The following UNC80 variants were observed in gnomAD, a reference collection of about 807,000 sequenced individuals.
The protein encoded by UNC80 is protein unc-80 homolog.
Under a neutral mutation model 384.6 loss-of-function variants are expected in UNC80, and 164 were observed. The ratio of observed to expected loss-of-function variants is 0.43; its 90% CI spans 0.38 to 0.49. UNC80 has a LOEUF of 0.49. Ranked by LOEUF, UNC80 falls within the 20% of genes least tolerant of loss-of-function variation. The probability of loss-of-function intolerance (pLI) is 0.00; values close to 1 mark genes in which losing one functional copy is unlikely to be tolerated. For synonymous variants in UNC80, 1,486 were observed against 1,527.8 expected (o/e 0.97, Z 0.64); for missense variants, 3,330 against 4,143.0 (o/e 0.80, Z 5.39).
chr2:209,793,742 C>T lies in UNC80; in HGVS notation c.821C>T (p.Thr274Ile). 1 of 1,613,894 alleles carries T rather than the reference C, an allele frequency of 6.2e-7. No homozygotes were observed. ...HLEGLQVVCETFQSDSISPKA... is the reference protein window; with the variant it reads ...HLEGLQVVCEIFQSDSISPKA... Reference sequence around the variant, plus strand: ...AAGGGACTCCAGGTGGTTTGTGAAACATTCCAGTCTGATTCCATCTCACCC... The same window carrying T: ...AAGGGACTCCAGGTGGTTTGTGAAATATTCCAGTCTGATTCCATCTCACCC... The change falls in exon 7 of 65, where the codon ACA becomes ATA. Residue 274 changes from threonine (T) to isoleucine (I), a missense_variant. By Grantham distance (89) the Thr-to-Ile change is moderately conservative. This residue lies in a region of UNC80 where 937 missense variants were observed against 1,026.8 expected (regional missense o/e 0.91). Transcript: ENST00000673920.
At chr2:209,923,058 T>A (rs150156344) in intron 35 of UNC80, among the ~76,000 whole-genome samples, 1 of 152,226 alleles carries the variant, frequency 6.6e-6, no homozygotes, top group Non-Finnish European at 1.5e-5. Context: ...TTATCAGATA[T>A]ATGATTTGCA....
chr2:209,824,059 T>C (rs1353524534), intron 13 of UNC80, among the ~76,000 whole-genome samples: 1 of 152,156 alleles, frequency 6.6e-6, no homozygotes, highest in Non-Finnish European at 1.5e-5. Context: ...ATAAGGCCTA[T>C]GTGAAGCATA....
At chr2:209,948,621 A>G (rs75663129) in intron 47 of UNC80, among the ~76,000 whole-genome samples, 1 of 152,050 alleles carries the variant, frequency 6.6e-6, no homozygotes, top group African/African-American at 2.4e-5. Flanking sequence ...TATCCTTTCA[A>G]ATTCTTGTAC....
At chr2:209,960,394 C>T (rs79337131) in intron 51 of UNC80, among the ~76,000 whole-genome samples, 4,699 of 152,210 alleles carry the variant, frequency 0.031, 147 homozygotes, top group South Asian at 0.14. Flanking sequence ...TGCTAAAGGC[C>T]GTATTTGTGT....
At position 209,852,766 on chromosome 2, in the gene UNC80, G is replaced by A. The variant is rs1192538568; in HGVS notation, c.3627+3143G>A. 5.9e-5 allele frequency among the ~76,000 whole-genome samples: 9 copies of A among 152,062 alleles called. 1 individual carries two copies. In the South Asian group the frequency reaches 1.7e-3, roughly 28 times the overall value. On this transcript the variant is annotated intron_variant, in intron 22 of 64. Transcript: ENST00000673920. ...CAGGGTTATGCTAACTTTCACTGAT[G>A]TTTTCTGCTAAAGGTATTTTTAGCT... is the stretch of plus-strand genomic sequence containing the variant.
At chr2:209,910,649 C>CTTT (rs540625562) in intron 29 of UNC80, among the ~76,000 whole-genome samples, 38 of 104,290 alleles carry the variant, frequency 3.6e-4, no homozygotes, top group South Asian at 6.9e-4. Context: ...AAATGCTCAT[C>CTTT]TTTTTTTTTT....
intron 30 of UNC80, among the ~76,000 whole-genome samples, 174 bp from the exon 31 acceptor site, chr2:209,913,628 G>T (rs1322511365): frequency 1.3e-5 from 2 of 151,968 alleles, no homozygotes; most frequent in Non-Finnish European, 2.9e-5. Context: ...TCAGTTATAA[G>T]GTATAAAGCT....
At position 209,978,596 on chromosome 2, in the gene UNC80, C is replaced by G. The variant is rs1459459006; in HGVS notation, c.9006C>G (p.Ala3002=). The G allele has an allele frequency of 6.4e-7, 1 of 1,551,460 alleles. No homozygotes were observed. The highest frequency in any genetic ancestry group is 2.0e-5 in the Admixed American group (1 of 51,006). Residue 3002 remains alanine, a synonymous_variant, in exon 59 of 65, where the codon GCC becomes GCG. Coordinates refer to ENST00000673920, the MANE Select transcript of UNC80 (RefSeq NM_001371986.1). ...TSTSAYRLSL[A]TMSRSNTGTG... ...CCTCTGCTTACCGCCTGAGCTTGGC[C>G]ACCATGTCCCGCTCTAACACGGGCA...
At chr2:209,979,507 C>T (rs943285952) in intron 59 of UNC80, among the ~76,000 whole-genome samples, 1 of 152,142 alleles carries the variant, frequency 6.6e-6, no homozygotes, top group Non-Finnish European at 1.5e-5. Context: ...AGCAGGCTGT[C>T]TTGAGGGAAA....
chr2:209,840,270 A>G (rs1442828226), intron 19 of UNC80, among the ~76,000 whole-genome samples: 1 of 152,142 alleles, frequency 6.6e-6, no homozygotes, highest in Non-Finnish European at 1.5e-5. Flanking sequence ...TAAGAGGTAA[A>G]ATTCACAGGC....
In UNC80 at chr2:209,976,250, G is replaced by T; in HGVS notation, c.8719G>T (p.Val2907Leu). The change falls in exon 57 of 65, where the codon GTG becomes TTG. Residue 2907 changes from valine to leucine, a missense_variant. Around this residue, in one of 8 missense-constraint regions of UNC80, gnomAD observed 1,049 missense variants for 1,488.6 expected, o/e 0.70. Transcript: ENST00000673920. The surrounding 1 kb of genome is among the most constrained non-coding windows in gnomAD (Gnocchi z 4.3). ...LALWDFLDFI[V>L]RTRIPIFVLL... Reference sequence around the variant, plus strand: ...CCTTTGGGATTTCCTCGACTTCATCGTGCGGACCCGAATACCCATCTTTGT... The same window carrying T: ...CCTTTGGGATTTCCTCGACTTCATCTTGCGGACCCGAATACCCATCTTTGT... 6.4e-7 allele frequency: 1 copy of T among 1,551,704 alleles called. No homozygotes were observed. Among genetic ancestry groups the T allele is most frequent in the Non-Finnish European group, 8.7e-7 (1 of 1,147,004 alleles).
intron 59 of UNC80, among the ~76,000 whole-genome samples, chr2:209,981,313 C>T (rs1009276134): frequency 6.6e-6 from 1 of 152,238 alleles, no homozygotes; most frequent in Admixed American, 6.5e-5. Flanking sequence ...CACGGTGGCT[C>T]ATGCCTGTAA....
In UNC80 at chr2:209,917,912, A is replaced by G. The variant is rs1270311643; in HGVS notation, c.5165A>G (p.Tyr1722Cys). The change falls in exon 32 of 65, where the codon TAT (tyrosine) becomes TGT (cysteine). Residue 1722 changes from tyrosine to cysteine, a missense_variant. Around this residue, in one of 8 missense-constraint regions of UNC80, gnomAD observed 801 missense variants for 950.8 expected, o/e 0.84. Coordinates refer to ENST00000673920, the MANE Select transcript of UNC80 (RefSeq NM_001371986.1). ...TTCCACACGCTCTGGAGGTTTCGCT[A>G]TCAGGTCTGGCCCCGGATGGAGGAA... ...LKFHTLWRFR[Y>C]QVWPRMEEGA... 3.9e-6 allele frequency: 6 copies of G among 1,551,728 alleles called. No individual in the cohort carries two copies. The highest frequency in any genetic ancestry group is 5.2e-6 in the Non-Finnish European group (6 of 1,146,988).
In UNC80 at chr2:209,897,070, A is replaced by G. The variant is rs1052690536; in HGVS notation, c.4581+657A>G. 6.6e-5 allele frequency among the ~76,000 whole-genome samples: 10 copies of G among 152,256 alleles called. No individual in the cohort carries two copies. In the East Asian group the frequency reaches 1.7e-3, roughly 26 times the overall value. On this transcript the variant is annotated intron_variant, in intron 28 of 64. Transcript: ENST00000673920. ...TTCCTGGAAAAGTCAGATGAGCACT[A>G]GCTGGTGCATAATGGTCCTCGGATA...
At chr2:209,800,716 A>G (rs565202426) in intron 7 of UNC80, among the ~76,000 whole-genome samples, 1 of 152,220 alleles carries the variant, frequency 6.6e-6, no homozygotes, top group Admixed American at 6.5e-5. Context: ...CTCCCTCTAA[A>G]CACTGCTTTA....
chr2:209,926,609 C>T (rs1373236499), intron 35 of UNC80, among the ~76,000 whole-genome samples: 1 of 151,994 alleles, frequency 6.6e-6, no homozygotes, highest in East Asian at 1.9e-4. Context: ...AGGACTCATC[C>T]TACAAAAAAT....
At chr2:209,936,635 T>C (rs2091263801) in intron 40 of UNC80, among the ~76,000 whole-genome samples, 1 of 151,924 alleles carries the variant, frequency 6.6e-6, no homozygotes, top group Non-Finnish European at 1.5e-5. Flanking sequence ...TGTATATATA[T>C]GTGTATATAT....
intron 58 of UNC80, 98 bp from the exon 59 acceptor site, chr2:209,978,431 C>T: frequency 9.2e-7 from 1 of 1,090,750 alleles, no homozygotes; most frequent in Non-Finnish European, 1.3e-6. Context: ...CATTATTTAA[C>T]TAACCTTTCC....
chr2:209,861,518 G>A (rs1015114778), intron 22 of UNC80, among the ~76,000 whole-genome samples: 2 of 152,264 alleles, frequency 1.3e-5, no homozygotes, highest in African/African-American at 4.8e-5. Context: ...GTCTCTTCCA[G>A]GTTTTGGTAT....
Sources: gnomAD v4.1 joint callset for allele counts (sites outside exome capture counted in the v4.1 genomes callset) on GRCh38, gnomAD v4.1.1 for gene constraint, gnomAD v4.1.1 regional missense constraint, Gnocchi (gnomAD v3.1) non-coding constraint, MANE v1.5 for transcripts, NCBI Gene and HGNC (gene_info 2026-07-23, HGNC 2026-07-21) for gene names.